Variants in PRKG1 observed in about 807,000 individuals in gnomAD.
The protein encoded by PRKG1 is cGMP-dependent protein kinase 1.
Under a neutral mutation model 88.1 loss-of-function variants are expected in PRKG1, and 35 were observed. The observed-to-expected ratio is 0.40, with a 90% confidence interval of 0.30 to 0.53. The LOEUF (loss-of-function observed/expected upper bound fraction) is 0.53, where lower values mean the gene tolerates loss of function less well. PRKG1 is among the 20% of genes least tolerant of loss of function. The pLI, the probability that PRKG1 is intolerant of heterozygous loss-of-function variation, is 0.59. For missense variants in PRKG1, 540 were observed against 839.8 expected (o/e 0.64, Z 4.41); for synonymous variants, 303 against 292.5 (o/e 1.04, Z -0.37).
In PRKG1 at chr10:51,420,723, C is replaced by T. The variant is rs184391169; in HGVS notation, c.479-47000C>T. Among the ~76,000 whole-genome samples, 34 of 152,276 alleles carry T rather than the reference C, an allele frequency of 2.2e-4. No individual in the cohort carries two copies. In the East Asian group the frequency reaches 4.8e-3, roughly 22 times the overall value. ...GTTCTTGCCTTGCTCTAAAGAAATA[C>T]CTGAGACTGGGTAATTTGTTAAAAC... On this transcript the variant is annotated intron_variant, in intron 2 of 17. Coordinates refer to ENST00000373980, the MANE Select transcript of PRKG1 (RefSeq NM_006258.4).
intron 3 of PRKG1, among the ~76,000 whole-genome samples, chr10:51,552,902 G>A (rs1837177790): frequency 1.3e-5 from 2 of 151,574 alleles, no homozygotes; most frequent in South Asian, 4.1e-4. Flanking sequence ...GGAAAATACA[G>A]TTTAACTCCA....
intron 5 of PRKG1, among the ~76,000 whole-genome samples, chr10:52,026,593 C>G (rs977274253): frequency 2.6e-5 from 4 of 152,074 alleles, no homozygotes; most frequent in African/African-American, 7.2e-5. Context: ...GTATGGAGTT[C>G]CTTTTAGGGG....
At chr10:51,276,812 G>GTT (rs985625991) in intron 2 of PRKG1, among the ~76,000 whole-genome samples, 2 of 152,036 alleles carry the variant, frequency 1.3e-5, no homozygotes, top group African/African-American at 4.8e-5. Flanking sequence ...TGATGGGGTT[G>GTT]TTTTTTTCTC....
intron 4 of PRKG1, among the ~76,000 whole-genome samples, chr10:51,804,986 G>A (rs920288604): frequency 1.3e-5 from 2 of 152,016 alleles, no homozygotes; most frequent in Non-Finnish European, 2.9e-5. Context: ...TCTCATAGAA[G>A]TGAGCAACTC....
intron 2 of PRKG1, among the ~76,000 whole-genome samples, chr10:51,322,472 G>T (rs1038549322): frequency 6.6e-6 from 1 of 152,078 alleles, no homozygotes; most frequent in African/African-American, 2.4e-5. Flanking sequence ...GCTTCCCTGG[G>T]CAATTGTGAG....
chr10:51,469,879 G>T (rs972622685), intron 3 of PRKG1, among the ~76,000 whole-genome samples: 1 of 151,884 alleles, frequency 6.6e-6, no homozygotes, highest in Non-Finnish European at 1.5e-5. Context: ...TAGGTACAGA[G>T]GTTTTGTGCA....
At chr10:51,383,357 G>A (rs1328798109) in intron 2 of PRKG1, among the ~76,000 whole-genome samples, 1 of 152,056 alleles carries the variant, frequency 6.6e-6, no homozygotes, top group East Asian at 1.9e-4. Flanking sequence ...GATGAGGGAA[G>A]AGGACAATTA....
intron 1 of PRKG1, among the ~76,000 whole-genome samples, chr10:51,115,014 A>T (rs889534086): frequency 6.6e-6 from 1 of 152,086 alleles, no homozygotes; most frequent in Non-Finnish European, 1.5e-5. Flanking sequence ...AGAAGCATAC[A>T]TCTAAAGATT....
intron 1 of PRKG1, among the ~76,000 whole-genome samples, chr10:51,132,242 C>T (rs1194403681): frequency 6.6e-6 from 1 of 152,122 alleles, no homozygotes; most frequent in Non-Finnish European, 1.5e-5. Context: ...TTTGATTGGG[C>T]TGGACAGCTA....
Position 51,039,715 on chromosome 10 carries a change from C to T in PRKG1, c.266+48071C>T, listed in dbSNP as rs144005113. 1.4e-4 allele frequency among the ~76,000 whole-genome samples: 22 copies of T among 152,232 alleles called. No homozygotes were observed. In the East Asian group the frequency reaches 4.2e-3, roughly 29 times the overall value. On this transcript the variant is annotated intron_variant, in intron 1 of 17. Coordinates refer to the PRKG1 transcript ENST00000401604. The stretch of plus-strand genomic sequence containing the variant: ...GTTTTCCCAATGTTTCTTTAGTAGT[C>T]ACATAGTTTGAGGTTTTACATTTAA...
chr10:51,631,960 G>A (rs769574472), intron 3 of PRKG1, among the ~76,000 whole-genome samples: 15 of 152,162 alleles, frequency 9.9e-5, no homozygotes, highest in African/African-American at 2.4e-5. Flanking sequence ...TCCCTTATTT[G>A]CATTATTATC....
At chr10:51,287,955 T>A (rs140812162) in intron 2 of PRKG1, among the ~76,000 whole-genome samples, 11 of 152,276 alleles carry the variant, frequency 7.2e-5, no homozygotes, top group Admixed American at 2.0e-4. Flanking sequence ...ATAAAAGAAA[T>A]GCAGTATGCC....
intron 7 of PRKG1, among the ~76,000 whole-genome samples, chr10:52,063,770 C>T (rs1473347953): frequency 6.6e-6 from 1 of 152,060 alleles, no homozygotes; most frequent in Non-Finnish European, 1.5e-5. Flanking sequence ...GCAGGTCGTC[C>T]CAATGAGTGT....
intron 1 of PRKG1, among the ~76,000 whole-genome samples, chr10:51,002,864 G>A (rs1842903273): frequency 6.6e-6 from 1 of 152,086 alleles, no homozygotes; most frequent in Admixed American, 6.6e-5. Flanking sequence ...TCTTTAATTG[G>A]TCTTTTTGCT....
At chr10:51,587,727 G>A in intron 3 of PRKG1, among the ~76,000 whole-genome samples, 1 of 152,100 alleles carries the variant, frequency 6.6e-6, no homozygotes, top group East Asian at 1.9e-4. Flanking sequence ...AAGTAAGTTG[G>A]CTTTGCTAAT....
At chr10:51,126,028 AATT>A (rs1845391378) in intron 1 of PRKG1, among the ~76,000 whole-genome samples, 2 of 124,594 alleles carry the variant, frequency 1.6e-5, no homozygotes, top group South Asian at 4.7e-4. Flanking sequence ...ATTTATATAT[AATT>A]ATATCTAATA....
intron 4 of PRKG1, among the ~76,000 whole-genome samples, chr10:51,828,961 G>T (rs182928277): frequency 6.6e-6 from 1 of 152,118 alleles, no homozygotes; most frequent in Admixed American, 6.6e-5. Context: ...TTATCATCAC[G>T]CAGTTTTCAT....
intron 2 of PRKG1, among the ~76,000 whole-genome samples, chr10:51,426,910 G>T (rs1315378621): frequency 6.6e-6 from 1 of 151,726 alleles, no homozygotes; most frequent in Non-Finnish European, 1.5e-5. Flanking sequence ...TCTTTTTTTT[G>T]ATATTTCTCT....
intron 3 of PRKG1, among the ~76,000 whole-genome samples, chr10:51,570,639 C>G (rs538800344): frequency 6.6e-6 from 1 of 151,550 alleles, no homozygotes; most frequent in Non-Finnish European, 1.5e-5. Context: ...TATACTTAAA[C>G]CATTGTTATT....
Sources: gnomAD v4.1 joint callset for allele counts (sites outside exome capture counted in the v4.1 genomes callset) on GRCh38, gnomAD v4.1.1 for gene constraint, MANE v1.5 for transcripts, NCBI Gene and HGNC (gene_info 2026-07-23, HGNC 2026-07-21) for gene names.